The following IDE variants were observed in gnomAD, a reference collection of about 807,000 sequenced individuals.
The protein encoded by IDE is insulin-degrading enzyme.
Under a neutral mutation model 133.2 loss-of-function variants are expected in IDE, and 58 were observed. The ratio of observed to expected loss-of-function variants is 0.44; its 90% CI spans 0.35 to 0.54. IDE has a LOEUF of 0.54. IDE is among the 20% of genes least tolerant of loss of function. The pLI is 0.00. For synonymous variants in IDE, 396 were observed against 421.3 expected (o/e 0.94, Z 0.73); for missense variants, 981 against 1,234.0 (o/e 0.79, Z 3.07).
chr10:92,503,343 C>G (rs1308511969), intron 11 of IDE, among the ~76,000 whole-genome samples: 2 of 152,134 alleles, frequency 1.3e-5, no homozygotes, highest in Non-Finnish European at 2.9e-5. Flanking sequence ...ATCATTAAAA[C>G]TTTTTAAATA....
In IDE at chr10:92,556,098, G is replaced by A. The variant is rs1482842003; in HGVS notation, c.98+17824C>T. ...TGAGGCAGGAGAATGGCGTGAACCC[G>A]GGAAGCAGAGCTTGCAGTGAGCCGA... On this transcript the variant is annotated intron_variant, in intron 1 of 24. Transcript: ENST00000265986. 6.8e-5 allele frequency among the ~76,000 whole-genome samples: 10 copies of A among 146,592 alleles called. No homozygotes were observed. In the East Asian group the frequency reaches 1.0e-3, roughly 15 times the overall value.
intron 19 of IDE, among the ~76,000 whole-genome samples, chr10:92,466,399 C>T (rs948402158): frequency 6.6e-6 from 1 of 151,932 alleles, no homozygotes; most frequent in African/African-American, 2.4e-5. Flanking sequence ...TCACTGCAAC[C>T]TCCGCCTACT....
intron 1 of IDE, among the ~76,000 whole-genome samples, chr10:92,558,147 G>C (rs1271996867): frequency 6.6e-6 from 1 of 152,144 alleles, no homozygotes; most frequent in South Asian, 2.1e-4. Flanking sequence ...CCACCTCCCG[G>C]GTTCAAGCGA....
intron 18 of IDE, among the ~76,000 whole-genome samples, chr10:92,469,645 G>C (rs1472612369): frequency 6.6e-6 from 1 of 152,002 alleles, no homozygotes; most frequent in East Asian, 1.9e-4. Flanking sequence ...TCGAACTCTT[G>C]GGTTCAAGTA....
intron 11 of IDE, among the ~76,000 whole-genome samples, chr10:92,498,432 G>A (rs1847831935): frequency 6.6e-6 from 1 of 151,996 alleles, no homozygotes; most frequent in Admixed American, 6.6e-5. Context: ...AGACCAGCCT[G>A]GCCAACATGG....
chr10:92,511,800 A>G (rs767648063), intron 5 of IDE, among the ~76,000 whole-genome samples: 4 of 152,176 alleles, frequency 2.6e-5, no homozygotes, highest in Non-Finnish European at 5.9e-5. Flanking sequence ...GAGAAGGAAT[A>G]TTGTAGCAAG....
intron 1 of IDE, among the ~76,000 whole-genome samples, chr10:92,541,080 T>G (rs1028310384): frequency 1.3e-5 from 2 of 152,102 alleles, no homozygotes; most frequent in African/African-American, 4.8e-5. Flanking sequence ...TAAAAATTAG[T>G]CCAACTACTA....
chr10:92,549,231 T>C (rs530811625), intron 1 of IDE, among the ~76,000 whole-genome samples: 11 of 151,362 alleles, frequency 7.3e-5, no homozygotes, highest in Non-Finnish European at 1.5e-4. Flanking sequence ...CACTCCAGCC[T>C]GGGCAACAGA....
At chr10:92,507,755 G>C (rs1161994618) in intron 8 of IDE, 89 bp from the exon 9 acceptor site, 4 of 787,526 alleles carry the variant, frequency 5.1e-6, no homozygotes, top group Non-Finnish European at 9.0e-6. Context: ...CAGATAAGTG[G>C]AAGATGGTCC....
chr10:92,568,642 C>T (rs1268338373), intron 1 of IDE, among the ~76,000 whole-genome samples: 1 of 151,820 alleles, frequency 6.6e-6, no homozygotes, highest in Non-Finnish European at 1.5e-5. Context: ...ATGGTGAAAC[C>T]CCATGTCTAC....
chr10:92,573,988 G>T lies in IDE; in HGVS notation c.32C>A (p.Pro11His), dbSNP rs1183618952. The T allele has an allele frequency of 6.6e-7, 1 of 1,510,198 alleles. No homozygotes were observed. The highest frequency in any genetic ancestry group is 2.2e-5 in the Admixed American group (1 of 44,962). The allele number at this position is 1,510,198 out of a possible 1,614,324, so 93.5% of individuals were successfully genotyped here. Residue 11 changes from proline to histidine, a missense_variant, in exon 1 of 25, where the codon CCC (proline) becomes CAC (histidine). Transcript: ENST00000265986. ...TGAGCGGAAGGTGCTGGGCAGTGCG[G>T]GGTGCAGAAGCCACGCTAGCCGGTA... MRYRLAWLLH[P>H]ALPSTFRSVL...
intron 12 of IDE, among the ~76,000 whole-genome samples, 153 bp from the exon 13 acceptor site, chr10:92,487,471 C>T (rs903316640): frequency 6.6e-6 from 1 of 152,188 alleles, no homozygotes; most frequent in Admixed American, 6.5e-5. Context: ...CCAAATCTAT[C>T]GATGGGTTTT....
intron 1 of IDE, among the ~76,000 whole-genome samples, chr10:92,543,463 G>A (rs1476194266): frequency 6.6e-6 from 1 of 152,116 alleles, no homozygotes; most frequent in Non-Finnish European, 1.5e-5. Context: ...TCAGTTATAG[G>A]AACAGGTACA....
At chr10:92,557,123 C>A (rs1279328578) in intron 1 of IDE, among the ~76,000 whole-genome samples, 3 of 152,046 alleles carry the variant, frequency 2.0e-5, no homozygotes, top group African/African-American at 4.8e-5. Flanking sequence ...TTTGGAAATG[C>A]AGAGGACCCA....
chr10:92,465,437 CCT>C (rs1280497240), intron 20 of IDE, among the ~76,000 whole-genome samples: 3 of 152,106 alleles, frequency 2.0e-5, no homozygotes, highest in Admixed American at 1.3e-4. Flanking sequence ...CCTAAAATGC[CCT>C]CTTTATTGAC....
intron 4 of IDE, among the ~76,000 whole-genome samples, chr10:92,517,029 T>G (rs1408179666): frequency 6.6e-6 from 1 of 152,244 alleles, no homozygotes; most frequent in Non-Finnish European, 1.5e-5. Context: ...TTGGTTCTAC[T>G]TACACTACTA....
rs907154316 is a variant in IDE, at chr10:92,452,112, T to G, written c.*2332A>C. Reference sequence around the variant, plus strand: ...AAACACTTTTAAAATGTTAATATAATTCACTGCTTTCTGCATTATGAACAA... The same window carrying G: ...AAACACTTTTAAAATGTTAATATAAGTCACTGCTTTCTGCATTATGAACAA... On this transcript the variant is annotated 3_prime_UTR_variant, in exon 25 of 25. Coordinates refer to ENST00000265986, the MANE Select transcript of IDE (RefSeq NM_004969.4). The G allele has an allele frequency of 6.6e-6, 1 of 152,212 alleles. No individual in the cohort carries two copies. The highest frequency in any genetic ancestry group is 2.4e-5 in the African/African-American group (1 of 41,464). The allele number at this position is 152,212 out of a possible 1,614,324, so 9.4% of individuals were successfully genotyped here.
At chr10:92,458,435 G>A (rs910434384) in intron 22 of IDE, among the ~76,000 whole-genome samples, 15 of 149,540 alleles carry the variant, frequency 1.0e-4, no homozygotes, top group Non-Finnish European at 2.2e-4. Context: ...ATGGAACACA[G>A]CTAGGGAAAT....
rs1238721588 is a variant in IDE, at chr10:92,479,296, T to C, written c.1865A>G (p.Asn622Ser). 1 of 1,612,748 alleles carries C rather than the reference T, an allele frequency of 6.2e-7. No individual in the cohort carries two copies. Among genetic ancestry groups the C allele is most frequent in the South Asian group, 1.1e-5 (1 of 91,028 alleles). Residue 622 changes from asparagine to serine, a missense_variant, in exon 15 of 25, where the codon AAT becomes AGT. Transcript: ENST00000265986. ...ELAGLSYDLQ[N>S]TIYGMYLSVK... ...ACTTACATACATCCCATAGATGGTA[T>C]TTTGGAGATCATAGCTCAAGCCTGC...
Sources: gnomAD v4.1 joint callset for allele counts (sites outside exome capture counted in the v4.1 genomes callset) on GRCh38, gnomAD v4.1.1 for gene constraint, MANE v1.5 for transcripts, NCBI Gene and HGNC (gene_info 2026-07-23, HGNC 2026-07-21) for gene names.